CNTN6: variants seen among roughly 807,000 people sequenced by gnomAD.
CNTN6 encodes contactin-6.
In CNTN6, 137 loss-of-function variants were observed where a neutral mutation model predicts 122.8. The observed-to-expected ratio is 1.12, with a 90% CI of 0.97 to 1.29. The LOEUF (loss-of-function observed/expected upper bound fraction) is 1.29, where lower values mean the gene tolerates loss of function less well. Among genes scored for constraint, CNTN6 ranks in the 50% most tolerant of loss-of-function variants. The probability of loss-of-function intolerance (pLI) is 0.00; values close to 1 mark genes in which losing one functional copy is unlikely to be tolerated. For synonymous variants in CNTN6, 570 were observed against 426.0 expected, an observed-to-expected ratio of 1.34 and a Z score of -4.16; for missense variants, 1,634 against 1,223.4, an observed-to-expected ratio of 1.34 and a Z score of -5.01.
At chr3:1,365,735 C>A (rs1407220106) in intron 12 of CNTN6, among the ~76,000 whole-genome samples, 1 of 151,910 alleles carries the variant, frequency 6.6e-6, no homozygotes, top group Non-Finnish European at 1.5e-5. Flanking sequence ...AATAAGAATT[C>A]CTTTCATTTA....
At chr3:1,246,158 C>G (rs1053048329) in intron 4 of CNTN6, among the ~76,000 whole-genome samples, 5 of 152,098 alleles carry the variant, frequency 3.3e-5, no homozygotes, top group Non-Finnish European at 7.4e-5. Flanking sequence ...ATAGATATTT[C>G]CAACACCCCC....
At chr3:1,251,001 G>T (rs996649234) in intron 4 of CNTN6, among the ~76,000 whole-genome samples, 16 of 151,926 alleles carry the variant, frequency 1.1e-4, no homozygotes, top group Non-Finnish European at 1.5e-5. Context: ...ACTTCTCTTT[G>T]TTGCAATCAT....
chr3:1,237,669 A>G (rs1295015551), intron 4 of CNTN6, among the ~76,000 whole-genome samples: 1 of 152,200 alleles, frequency 6.6e-6, no homozygotes, highest in Admixed American at 6.5e-5. Flanking sequence ...GGTAACCTAT[A>G]AAGGAAAACC....
intron 2 of CNTN6, among the ~76,000 whole-genome samples, chr3:1,180,053 A>G (rs556473484): frequency 1.3e-5 from 2 of 152,300 alleles, no homozygotes; most frequent in South Asian, 2.1e-4. Context: ...TGAATTTGCA[A>G]TTTGTCCAAT....
intron 11 of CNTN6, among the ~76,000 whole-genome samples, chr3:1,343,498 T>A (rs1704194838): frequency 6.6e-6 from 1 of 152,188 alleles, no homozygotes; most frequent in Admixed American, 6.6e-5. Flanking sequence ...GTTGTTTGAC[T>A]AAATCGCTTT....
intron 12 of CNTN6, among the ~76,000 whole-genome samples, chr3:1,369,338 A>G (rs1395303016): frequency 6.7e-6 from 1 of 149,196 alleles, no homozygotes; most frequent in Non-Finnish European, 1.5e-5. Context: ...GTAGACGTTC[A>G]TCTCTGTGAA....
At chr3:1,197,700 T>C (rs75312138) in intron 2 of CNTN6, among the ~76,000 whole-genome samples, 10,200 of 152,238 alleles carry the variant, frequency 0.067, 425 homozygotes, top group Middle Eastern at 0.11. Flanking sequence ...CTGTGTGAAC[T>C]TGGGCAAGTA....
chr3:1,202,143 T>C (rs1292890573), intron 2 of CNTN6, among the ~76,000 whole-genome samples: 1 of 152,248 alleles, frequency 6.6e-6, no homozygotes, highest in African/African-American at 2.4e-5. Context: ...TTCTCTTGTC[T>C]GTTTCCCTAT....
At chr3:1,280,505 C>T (rs1249410535) in intron 5 of CNTN6, among the ~76,000 whole-genome samples, 1 of 98,878 alleles carries the variant, frequency 1.0e-5, no homozygotes, top group African/African-American at 3.9e-5. Context: ...CGCTCTGTCT[C>T]CCAGGCTGGA....
intron 4 of CNTN6, among the ~76,000 whole-genome samples, chr3:1,275,786 T>C (rs565958618): frequency 2.2e-5 from 3 of 136,358 alleles, no homozygotes; most frequent in East Asian, 3.9e-4. Context: ...GAGAATCTAA[T>C]GCCACTGCTG....
chr3:1,383,443 G>T (rs1418246492), intron 19 of CNTN6, 35 bp downstream of exon 19: 5 of 1,534,112 alleles, frequency 3.3e-6, no homozygotes, highest in Non-Finnish European at 3.6e-6. Context: ...GCTTATGAAT[G>T]TGCCAATGGA....
intron 1 of CNTN6, among the ~76,000 whole-genome samples, chr3:1,112,731 C>G: frequency 6.6e-6 from 1 of 152,116 alleles, no homozygotes. Flanking sequence ...TTATTTAATC[C>G]GATCAGATTG....
chr3:1,125,820 A>G (rs1036826296), intron 1 of CNTN6, among the ~76,000 whole-genome samples: 1 of 151,860 alleles, frequency 6.6e-6, no homozygotes, highest in African/African-American at 2.4e-5. Context: ...AACCACAGAC[A>G]TATTGAGATA....
chr3:1,140,880 A>G (rs899619304), intron 1 of CNTN6, among the ~76,000 whole-genome samples: 1 of 152,176 alleles, frequency 6.6e-6, no homozygotes, highest in African/African-American at 2.4e-5. Flanking sequence ...TCTATCATCT[A>G]TTATGGCTGC....
intron 7 of CNTN6, among the ~76,000 whole-genome samples, chr3:1,309,009 A>C (rs564333782): frequency 6.6e-6 from 1 of 152,110 alleles, no homozygotes; most frequent in South Asian, 2.1e-4. Context: ...AGCTTTAAGA[A>C]TTCTTTGCAT....
At chr3:1,139,562 C>T (rs922822982) in intron 1 of CNTN6, among the ~76,000 whole-genome samples, 21 of 151,882 alleles carry the variant, frequency 1.4e-4, no homozygotes, top group African/African-American at 4.1e-4. Flanking sequence ...ACCCAGGTCA[C>T]GAAGCCCTAA....
chr3:1,320,038 A>G (rs1295152374), intron 7 of CNTN6, among the ~76,000 whole-genome samples: 1 of 151,642 alleles, frequency 6.6e-6, no homozygotes, highest in Non-Finnish European at 1.5e-5. Flanking sequence ...CTTATTGGTT[A>G]GTATGCCATA....
intron 12 of CNTN6, among the ~76,000 whole-genome samples, chr3:1,366,368 A>T (rs1383749968): frequency 6.6e-6 from 1 of 152,162 alleles, no homozygotes; most frequent in African/African-American, 2.4e-5. Context: ...GATCTCACCG[A>T]TCCATAAATA....
chr3:1,335,303 TG>T (rs1359929259), intron 11 of CNTN6, among the ~76,000 whole-genome samples: 1 of 152,162 alleles, frequency 6.6e-6, no homozygotes, highest in Non-Finnish European at 1.5e-5. Context: ...ATATCCCAGT[TG>T]TGCATGCTTT....
Sources: allele counts gnomAD v4.1 joint callset (sites outside exome capture counted in the v4.1 genomes callset), GRCh38; gene constraint gnomAD v4.1.1; transcripts MANE v1.5; gene names NCBI Gene and HGNC (gene_info 2026-07-23, HGNC 2026-07-21).